Variants in NAALADL2 observed in about 807,000 individuals in gnomAD.
NAALADL2 encodes the protein N-acetylated alpha-linked acidic dipeptidase like 2.
Under a neutral mutation model 87.2 loss-of-function variants are expected in NAALADL2, and 76 were observed. The observed-to-expected ratio is 0.87, with a 90% CI of 0.72 to 1.05. The LOEUF (loss-of-function observed/expected upper bound fraction) is 1.05, where lower values mean the gene tolerates loss of function less well. NAALADL2 is among the 50% of genes least tolerant of loss of function. The pLI is 0.00. For missense variants in NAALADL2, 1,089 were observed against 945.8 expected, an observed-to-expected ratio of 1.15 and a Z score of -1.99; for synonymous variants, 354 against 331.0, an observed-to-expected ratio of 1.07 and a Z score of -0.75.
intron 11 of NAALADL2, chr3:175,718,714 C>G: frequency 7.0e-7 from 1 of 1,434,586 alleles, no homozygotes; most frequent in Admixed American, 1.8e-5. Flanking sequence ...TCACTTGAGG[C>G]GTGGAGATCA....
intron 10 of NAALADL2, among the ~76,000 whole-genome samples, chr3:175,627,063 C>T (rs1560874726): frequency 6.6e-6 from 1 of 151,722 alleles, no homozygotes; most frequent in African/African-American, 2.4e-5. Flanking sequence ...AAATATTAAT[C>T]TATTTATTCT....
chr3:174,451,843 GTTTT>G (rs764587503), intron 1 of NAALADL2, among the ~76,000 whole-genome samples: 33,190 of 99,054 alleles, frequency 0.34, 4,376 homozygotes, highest in South Asian at 0.53. Context: ...GATAGTGGGA[GTTTT>G]TTTTTTTTTT....
intron 10 of NAALADL2, among the ~76,000 whole-genome samples, chr3:175,595,445 T>C (rs1261857742): frequency 2.0e-5 from 3 of 152,002 alleles, no homozygotes; most frequent in Non-Finnish European, 4.4e-5. Flanking sequence ...AGTCAAAATA[T>C]CTCTCTTAGC....
rs116574496 is a variant in NAALADL2 at position 174,558,292 on chromosome 3, A to G, written c.-115+7655A>G. ...GTTTCCTCTAGCACAGTGGTCCCCA[A>G]CCTTTTTGTGACCAGGGACTAGTTT... On this transcript the variant is annotated intron_variant, in intron 2 of 3. Transcript: ENST00000434257. Among the ~76,000 whole-genome samples, 11 of 152,196 alleles carry G rather than the reference A, an allele frequency of 7.2e-5. No homozygotes were observed. In the South Asian group the frequency reaches 2.3e-3, roughly 32 times the overall value.
At chr3:175,697,533 G>A (rs998065387) in intron 11 of NAALADL2, among the ~76,000 whole-genome samples, 1 of 151,610 alleles carries the variant, frequency 6.6e-6, no homozygotes, top group African/African-American at 2.4e-5. Flanking sequence ...TTATGAGGGT[G>A]TATTGTTACT....
At chr3:175,409,322 C>T (rs1321389284) in intron 5 of NAALADL2, among the ~76,000 whole-genome samples, 7 of 151,704 alleles carry the variant, frequency 4.6e-5, no homozygotes, top group Admixed American at 3.9e-4. Flanking sequence ...GAGCTAAGTG[C>T]CTACCTACTT....
intron 3 of NAALADL2, among the ~76,000 whole-genome samples, chr3:174,818,380 T>A (rs1413992442): frequency 6.6e-6 from 1 of 152,076 alleles, no homozygotes; most frequent in Non-Finnish European, 1.5e-5. Context: ...GAATGAAACA[T>A]ACCTCTGTTT....
intron 2 of NAALADL2, among the ~76,000 whole-genome samples, chr3:174,589,656 A>G (rs1170667728): frequency 6.6e-6 from 1 of 152,222 alleles, no homozygotes. Flanking sequence ...TAACTTGAAG[A>G]TTTTATACCA....
rs540119937 is a variant in NAALADL2 at position 174,982,303 on chromosome 3, G to A, written c.44-114487G>A. Among the ~76,000 whole-genome samples, 15 of 152,148 alleles carry A rather than the reference G, an allele frequency of 9.9e-5. No individual in the cohort carries two copies. In the South Asian group the frequency reaches 1.5e-3, roughly 15 times the overall value. The stretch of plus-strand genomic sequence containing the variant: ...AGTTGGGAACACAACAGGGAGCTGA[G>A]GTCATGATTTCTGACCTTCTAGGAC... On this transcript the variant is annotated intron_variant, in intron 1 of 13. Coordinates refer to ENST00000454872, the MANE Select transcript of NAALADL2 (RefSeq NM_207015.3).
chr3:174,634,798 C>CT (rs945235497), intron 2 of NAALADL2, among the ~76,000 whole-genome samples: 1 of 151,974 alleles, frequency 6.6e-6, no homozygotes, highest in Non-Finnish European at 1.5e-5. Flanking sequence ...TACTTTTTAA[C>CT]TTTTTTACTC....
intron 1 of NAALADL2, among the ~76,000 whole-genome samples, chr3:174,939,041 TG>T (rs1471270456): frequency 2.0e-5 from 3 of 152,160 alleles, no homozygotes; most frequent in Non-Finnish European, 4.4e-5. Flanking sequence ...TTTTTGCTTT[TG>T]TTGTCATTGC....
chr3:175,008,106 A>G (rs1749280542), intron 1 of NAALADL2, among the ~76,000 whole-genome samples: 1 of 152,296 alleles, frequency 6.6e-6, no homozygotes, highest in East Asian at 1.9e-4. Context: ...CCCTGGGTGC[A>G]GTCTCTCATG....
chr3:175,300,730 C>A (rs1310086887), intron 4 of NAALADL2, among the ~76,000 whole-genome samples: 1 of 149,396 alleles, frequency 6.7e-6, no homozygotes, highest in East Asian at 1.9e-4. Flanking sequence ...TTTCAAAAAA[C>A]CATCTCCTGG....
intron 1 of NAALADL2, among the ~76,000 whole-genome samples, chr3:174,983,284 T>C (rs1209166122): frequency 1.3e-5 from 2 of 152,154 alleles, no homozygotes; most frequent in East Asian, 3.9e-4. Flanking sequence ...GGATGAGTTA[T>C]TTTGAATAAT....
chr3:174,808,413 C>T (rs1044932624), intron 3 of NAALADL2, among the ~76,000 whole-genome samples: 10 of 152,054 alleles, frequency 6.6e-5, no homozygotes, highest in African/African-American at 9.7e-5. Flanking sequence ...CTGTTGACTA[C>T]ATTTTCTCAT....
chr3:174,463,649 A>G (rs1160804336), intron 1 of NAALADL2, among the ~76,000 whole-genome samples: 6 of 136,514 alleles, frequency 4.4e-5, no homozygotes, highest in Admixed American at 3.2e-4. Flanking sequence ...CACCCAGGCT[A>G]GAGTGCAGTG....
At chr3:174,818,897 A>C (rs1721091146) in intron 3 of NAALADL2, among the ~76,000 whole-genome samples, 1 of 152,116 alleles carries the variant, frequency 6.6e-6, no homozygotes, top group Non-Finnish European at 1.5e-5. Flanking sequence ...CAAACTGAGC[A>C]GCTTCATTGC....
intron 3 of NAALADL2, among the ~76,000 whole-genome samples, chr3:174,843,565 A>C (rs1168379710): frequency 6.6e-6 from 1 of 152,170 alleles, no homozygotes. Flanking sequence ...CAGTAATGAG[A>C]TTGCAAGAAC....
intron 9 of NAALADL2, among the ~76,000 whole-genome samples, chr3:175,560,411 TG>T (rs1716081448): frequency 6.6e-6 from 1 of 152,160 alleles, no homozygotes; most frequent in Non-Finnish European, 1.5e-5. Context: ...CTTTTTGTCT[TG>T]TTTTCATTTT....
Sources: allele counts gnomAD v4.1 joint callset (sites outside exome capture counted in the v4.1 genomes callset), GRCh38; gene constraint gnomAD v4.1.1; transcripts MANE v1.5; gene names NCBI Gene and HGNC (gene_info 2026-07-23, HGNC 2026-07-21).